Variants in MSRA observed in about 807,000 individuals in gnomAD.
MSRA encodes methionine sulfoxide reductase A.
MSRA carries 54 observed loss-of-function variants against 31.3 expected under a neutral mutation model. The ratio of observed to expected loss-of-function variants is 1.73; its 90% CI spans 1.39 to 2.17. The LOEUF is 2.17. Ranked by LOEUF, MSRA falls within the 30% of genes most tolerant of loss-of-function variation. The pLI, the probability that MSRA is intolerant of heterozygous loss-of-function variation, is 0.00. For synonymous variants in MSRA, 169 were observed against 116.5 expected, an observed-to-expected ratio of 1.45 and a Z score of -2.90; for missense variants, 507 against 300.9, an observed-to-expected ratio of 1.69 and a Z score of -5.07.
At chr8:10,291,060 C>T (rs953058755) in intron 3 of MSRA, among the ~76,000 whole-genome samples, 7 of 152,174 alleles carry the variant, frequency 4.6e-5, no homozygotes, top group South Asian at 4.1e-4. Flanking sequence ...TAGGGAGTGG[C>T]TCACTGCTAT....
chr8:10,088,859 T>C (rs1798708944), intron 1 of MSRA, among the ~76,000 whole-genome samples: 3 of 152,346 alleles, frequency 2.0e-5, no homozygotes, highest in South Asian at 4.1e-4. Context: ...AAGGACGTTA[T>C]GCTAAGTGAA....
chr8:10,147,780 C>T (rs1253333528), intron 1 of MSRA, among the ~76,000 whole-genome samples: 1 of 152,200 alleles, frequency 6.6e-6, no homozygotes, highest in Non-Finnish European at 1.5e-5. Context: ...GCATCTGTGG[C>T]ACCCCCCACG....
intron 1 of MSRA, among the ~76,000 whole-genome samples, chr8:10,157,643 A>G (rs1804267616): frequency 6.6e-6 from 1 of 151,958 alleles, no homozygotes; most frequent in African/African-American, 2.4e-5. Flanking sequence ...TAATAATAAT[A>G]ATAGTTCTTT....
rs140164149 is a variant in MSRA at position 10,410,780 on chromosome 8, A to G, written c.544-17368A>G. Reference sequence around the variant, plus strand: ...TTCAGTGTAGAGTGCCATTTTTGTAACTCCAGTTAACATGGATTTTTATTG... The same window carrying G: ...TTCAGTGTAGAGTGCCATTTTTGTAGCTCCAGTTAACATGGATTTTTATTG... On this transcript the variant is annotated intron_variant, in intron 5 of 5. Transcript: ENST00000317173. Among the ~76,000 whole-genome samples, 309 of 152,254 alleles carry G rather than the reference A, an allele frequency of 2.0e-3. 6 individuals carry two copies. The highest frequency in any genetic ancestry group is 7.0e-3 in the African/African-American group (291 of 41,540).
intron 1 of MSRA, among the ~76,000 whole-genome samples, chr8:10,104,009 G>T (rs567114720): frequency 2.0e-5 from 3 of 152,256 alleles, no homozygotes; most frequent in Non-Finnish European, 4.4e-5. Flanking sequence ...ATTTTAAACT[G>T]TTGCTATCCT....
intron 3 of MSRA, among the ~76,000 whole-genome samples, chr8:10,282,149 C>G (rs541977089): frequency 5.9e-5 from 9 of 152,262 alleles, no homozygotes; most frequent in African/African-American, 2.2e-4. Context: ...TCGTACTAAT[C>G]AAAAACCTTT....
chr8:10,222,305 G>GT (rs1164304325), intron 2 of MSRA, among the ~76,000 whole-genome samples: 1 of 152,068 alleles, frequency 6.6e-6, no homozygotes, highest in Admixed American at 6.6e-5. Context: ...CTATCCCTCT[G>GT]TTTTGAGAAT....
At chr8:10,203,834 C>T (rs1473700732) in intron 1 of MSRA, among the ~76,000 whole-genome samples, 1 of 152,174 alleles carries the variant, frequency 6.6e-6, no homozygotes, top group African/African-American at 2.4e-5. Flanking sequence ...GTGTTATTGC[C>T]TCTAAAGACC....
chr8:10,113,100 T>C (rs1257782680), intron 1 of MSRA, among the ~76,000 whole-genome samples: 3 of 151,992 alleles, frequency 2.0e-5, no homozygotes, highest in Non-Finnish European at 4.4e-5. Context: ...GTCTTGTTCA[T>C]GGTTTTATCC....
rs141514392 is a variant in MSRA at position 10,140,965 on chromosome 8, A to G, written c.143-66868A>G. Reference sequence around the variant, plus strand: ...GACAAAACGAGCCATACACCTAAAGATGAATATATGCAAGGCAGGCAAACG... The same window carrying G: ...GACAAAACGAGCCATACACCTAAAGGTGAATATATGCAAGGCAGGCAAACG... On this transcript the variant is annotated intron_variant, in intron 1 of 5. Transcript: ENST00000317173. Among the ~76,000 whole-genome samples, 255 of 152,304 alleles carry G rather than the reference A, an allele frequency of 1.7e-3. 1 individual carries two copies. The highest frequency in any genetic ancestry group is 5.7e-3 in the African/African-American group (235 of 41,556).
chr8:10,208,086 A>G (rs1168163328), intron 2 of MSRA, among the ~76,000 whole-genome samples, 185 bp downstream of exon 2: 2 of 152,174 alleles, frequency 1.3e-5, no homozygotes, highest in African/African-American at 4.8e-5. Context: ...TATTCTATAG[A>G]ATTTAGCGTG....
At chr8:10,425,720 G>C (rs1299420721) in intron 5 of MSRA, among the ~76,000 whole-genome samples, 1 of 152,246 alleles carries the variant, frequency 6.6e-6, no homozygotes, top group African/African-American at 2.4e-5. Flanking sequence ...CCGCGGAGTG[G>C]GTAGGTCCTC....
intron 3 of MSRA, among the ~76,000 whole-genome samples, chr8:10,284,099 C>G (rs1191463354): frequency 2.0e-5 from 3 of 151,948 alleles, no homozygotes; most frequent in Non-Finnish European, 4.4e-5. Context: ...AGTGGTTGTA[C>G]TAGTTTACAT....
intron 5 of MSRA, among the ~76,000 whole-genome samples, chr8:10,423,451 A>T (rs1473593993): frequency 6.8e-6 from 1 of 146,134 alleles, no homozygotes; most frequent in Non-Finnish European, 1.5e-5. Flanking sequence ...GCATGCACCC[A>T]TGCCGGCACC....
chr8:10,387,549 A>T (rs1806469893), intron 5 of MSRA, among the ~76,000 whole-genome samples: 1 of 152,204 alleles, frequency 6.6e-6, no homozygotes, highest in Non-Finnish European at 1.5e-5. Flanking sequence ...GAAATGAATG[A>T]GCCCAAAGAA....
chr8:10,366,781 G>A (rs1413614675), intron 5 of MSRA, among the ~76,000 whole-genome samples: 4 of 152,266 alleles, frequency 2.6e-5, no homozygotes, highest in Non-Finnish European at 4.4e-5. Flanking sequence ...ATTAGTATGT[G>A]CTCAGCTAAT....
chr8:10,331,091 G>T (rs1045222254), intron 5 of MSRA, among the ~76,000 whole-genome samples: 1 of 152,208 alleles, frequency 6.6e-6, no homozygotes, highest in South Asian at 2.1e-4. Flanking sequence ...AGAACTGCCT[G>T]CAAGCCCTGA....
At chr8:10,171,369 T>C (rs1188031720) in intron 1 of MSRA, among the ~76,000 whole-genome samples, 1 of 8,702 alleles carries the variant, frequency 1.1e-4, no homozygotes, top group Non-Finnish European at 1.9e-3. Flanking sequence ...TAAACTGTAC[T>C]TTTTTTTTTT....
intron 2 of MSRA, among the ~76,000 whole-genome samples, chr8:10,234,669 A>G (rs1811800888): frequency 6.6e-6 from 1 of 152,122 alleles, no homozygotes; most frequent in Non-Finnish European, 1.5e-5. Flanking sequence ...AAGAACCAAA[A>G]TCCTGTTATA....
Sources: gnomAD v4.1 joint callset for allele counts (sites outside exome capture counted in the v4.1 genomes callset) on GRCh38, gnomAD v4.1.1 for gene constraint, MANE v1.5 for transcripts, NCBI Gene and HGNC (gene_info 2026-07-23, HGNC 2026-07-21) for gene names.